Variants in CP observed in about 807,000 individuals in gnomAD.
CP encodes the protein caeruloplasmin.
CP carries 64 observed loss-of-function variants against 122.4 expected under a neutral mutation model. That is an observed-to-expected ratio of 0.52 (90% CI 0.43 to 0.64). CP has a LOEUF of 0.64. Among genes scored for constraint, CP ranks in the 30% least tolerant of loss-of-function variants. The probability of loss-of-function intolerance (pLI) is 0.00; values close to 1 mark genes in which losing one functional copy is unlikely to be tolerated. For synonymous variants in CP, 440 were observed against 436.4 expected (o/e 1.01, Z -0.10); for missense variants, 1,167 against 1,284.4 (o/e 0.91, Z 1.40).
chr3:149,171,637 T>C (rs1724999416), downstream of CP, among the ~76,000 whole-genome samples: 1 of 151,798 alleles, frequency 6.6e-6, no homozygotes, highest in Non-Finnish European at 1.5e-5. Flanking sequence ...AAGAAGCCTA[T>C]GGATTTAAGA....
chr3:149,210,315 C>T lies in CP; in HGVS notation c.459G>A (p.Glu153=), dbSNP rs1728024834. The T allele has an allele frequency of 6.2e-7, 1 of 1,613,950 alleles. No homozygotes were observed. Among genetic ancestry groups the T allele is most frequent in the African/African-American group, 1.3e-5 (1 of 74,912 alleles). ...QRADDKVYPG[E]QYTYMLLATE... ...TGGCAAGCAACATGTATGTATACTG[C>T]TCTCCTGGATATACTTTGTCATCTG... is the stretch of plus-strand genomic sequence containing the variant. The change falls in exon 3 of 19, where the codon GAG becomes GAA. Residue 153 remains glutamate (E), a synonymous_variant. Coordinates refer to ENST00000264613, the MANE Select transcript of CP (RefSeq NM_000096.4).
At chr3:149,207,321 C>A (rs777648021) in intron 5 of CP, 42 bp downstream of exon 5, 1 of 1,613,318 alleles carries the variant, frequency 6.2e-7, no homozygotes, top group Non-Finnish European at 8.5e-7. Context: ...CCAGTAACCA[C>A]CTTTTTCAGC....
rs768035094 is a variant in CP at position 149,210,325 on chromosome 3, T to C, written c.449A>G (p.Tyr150Cys). 5 of 1,613,986 alleles carry C rather than the reference T, an allele frequency of 3.1e-6. No homozygotes were observed. In the African/African-American group the frequency reaches 5.3e-5, roughly 17 times the overall value. Reference protein sequence around the residue: ...TDFQRADDKVYPGEQYTYMLL... With the variant: ...TDFQRADDKVCPGEQYTYMLL... ...CATGTATGTATACTGCTCTCCTGGA[T>C]ATACTTTGTCATCTGCTCTTTGAAA... The change falls in exon 3 of 19, where the codon TAT becomes TGT. Residue 150 changes from tyrosine (Y) to cysteine (C), a missense_variant. Around this residue, in one of 2 missense-constraint regions of CP, gnomAD observed 642 missense variants for 627.3 expected, o/e 1.02. Coordinates refer to ENST00000264613, the MANE Select transcript of CP (RefSeq NM_000096.4).
Position 149,201,827 on chromosome 3 carries a change from C to T in CP, c.1348+275G>A, listed in dbSNP as rs36036828. ...TCCAAGCTGGTCTCAAACTCCTTACCCAAGTGATCTGCCCGCCTCAGCCTC... is the reference window on the plus strand; with the variant it reads ...TCCAAGCTGGTCTCAAACTCCTTACTCAAGTGATCTGCCCGCCTCAGCCTC... On this transcript the variant is annotated intron_variant, in intron 7 of 18. Transcript: ENST00000264613. 0.014 allele frequency among the ~76,000 whole-genome samples: 2,087 copies of T among 152,066 alleles called. 48 individuals are homozygous for T. Among genetic ancestry groups the T allele is most frequent in the African/African-American group, 0.046 (1,914 of 41,476 alleles).
intron 5 of CP, among the ~76,000 whole-genome samples, chr3:149,164,235 A>G (rs1184662446): frequency 6.6e-6 from 1 of 152,184 alleles, no homozygotes; most frequent in Non-Finnish European, 1.5e-5. Context: ...GCTTGAAAAC[A>G]CTTTGTGAAA....
intron 4 of CP, chr3:149,167,347 A>C: frequency 2.3e-6 from 2 of 862,010 alleles, no homozygotes; most frequent in South Asian, 2.9e-5. Flanking sequence ...ATCCAACATC[A>C]TAAGGCTGTG....
chr3:149,198,849 G>A (rs1000880537), intron 8 of CP, among the ~76,000 whole-genome samples: 55 of 152,166 alleles, frequency 3.6e-4, no homozygotes, highest in Middle Eastern at 3.2e-3. Context: ...GTTGTATTGC[G>A]TGTATTTCTC....
Position 149,162,681 on chromosome 3 carries a change from G to C in CP, c.*208C>G. The C allele has an allele frequency of 1.2e-6, 2 of 1,613,856 alleles. No individual in the cohort carries two copies. Among genetic ancestry groups the C allele is most frequent in the Non-Finnish European group, 8.5e-7 (1 of 1,179,842 alleles). On this transcript the variant is annotated 3_prime_UTR_variant, in exon 6 of 6. Coordinates refer to the CP transcript ENST00000479771. ...CTGGAATATAGAGGCTCCTTTTACT[G>C]TTTTTAAGGTGCTTTGTGCTAAGGA...
downstream of CP, among the ~76,000 whole-genome samples, chr3:149,169,499 T>C (rs575286602): frequency 3.9e-5 from 6 of 152,338 alleles, no homozygotes; most frequent in African/African-American, 1.2e-4. Context: ...ATTTCTTATC[T>C]CTCTAATACA....
At chr3:149,202,028 G>A (rs751738415) in intron 7 of CP, 74 bp downstream of exon 7, 216 of 1,586,842 alleles carry the variant, frequency 1.4e-4, no homozygotes, top group Non-Finnish European at 1.8e-4. Context: ...AGGTCCTGAA[G>A]TTACTATTCT....
Position 149,186,555 on chromosome 3 carries a change from GT to G in CP, c.2041del (p.Thr681GlnfsTer29). On this transcript the variant is annotated frameshift_variant, in exon 11 of 19. Coordinates refer to ENST00000264613, the MANE Select transcript of CP (RefSeq NM_000096.4). LOFTEE classifies it high-confidence loss of function. Reference protein sequence around the residue: ...RRDTANLFPQTSLTLHMWPDT... With the variant: ...RRDTANLFPQXSLTLHMWPDT... ...AGGCCACATGTGGAGCGTAAGACTT[GT>G]TTGAGGGAAGAGGTTTGCTGTGTCT... 1.9e-6 allele frequency: 3 copies of G among 1,614,190 alleles called. No homozygotes were observed. The highest frequency in any genetic ancestry group is 2.5e-6 in the Non-Finnish European group (3 of 1,180,030).
intron 16 of CP, among the ~76,000 whole-genome samples, 161 bp downstream of exon 16, chr3:149,178,254 T>C (rs1175040801): frequency 3.3e-5 from 5 of 152,214 alleles, no homozygotes; most frequent in Non-Finnish European, 7.3e-5. Context: ...ATTTTGAACA[T>C]AGTCCCCTTT....
intron 18 of CP, among the ~76,000 whole-genome samples, chr3:149,174,791 A>T (rs961514490): frequency 2.0e-5 from 3 of 152,160 alleles, no homozygotes; most frequent in African/African-American, 7.2e-5. Context: ...TGGGCCAAAG[A>T]TAGTTCAAAC....
At position 149,177,875 on chromosome 3, in the gene CP, T is replaced by C. The variant is rs1199809032; in HGVS notation, c.2983A>G (p.Thr995Ala). The change falls in exon 17 of 19, where the codon ACT becomes GCT. Residue 995 changes from threonine (T) to alanine (A), a missense_variant. By Grantham distance (58) the Thr-to-Ala change is moderately conservative (BLOSUM62 0). This residue lies in a region of CP where 525 missense variants were observed against 657.2 expected (regional missense o/e 0.80). Transcript: ENST00000264613. Reference sequence around the variant, plus strand: ...AAGCTATGGCCGTGAAAATGTACAGTGTGTAAGTCTATTTCATTGCCCATT... The same window carrying C: ...AAGCTATGGCCGTGAAAATGTACAGCGTGTAAGTCTATTTCATTGCCCATT... ...MGMGNEIDLH[T>A]VHFHGHSFQY... The C allele has an allele frequency of 6.2e-7, 1 of 1,613,800 alleles. No individual in the cohort carries two copies. The highest frequency in any genetic ancestry group is 1.7e-5 in the Admixed American group (1 of 60,012).
chr3:149,205,388 C>A (rs377029566), intron 6 of CP, among the ~76,000 whole-genome samples: 1 of 148,764 alleles, frequency 6.7e-6, no homozygotes, highest in East Asian at 2.0e-4. Flanking sequence ...TCGCTTCTAG[C>A]TGGATATGCA....
chr3:149,220,614 GTATT>G (rs1416188401), intron 1 of CP, among the ~76,000 whole-genome samples: 2 of 151,904 alleles, frequency 1.3e-5, no homozygotes, highest in Non-Finnish European at 2.9e-5. Flanking sequence ...TATCTGTTAT[GTATT>G]TATTTTTATG....
chr3:149,182,881 T>C (rs1263939293), intron 13 of CP, among the ~76,000 whole-genome samples: 1 of 152,154 alleles, frequency 6.6e-6, no homozygotes, highest in Non-Finnish European at 1.5e-5. Context: ...CCAGGTGTAG[T>C]GCCTCACGCC....
chr3:149,186,920 G>T lies in CP; in HGVS notation c.1865-188C>A, dbSNP rs543330475. Among the ~76,000 whole-genome samples the T allele has an allele frequency of 3.9e-5, 6 of 152,272 alleles. No homozygotes were observed. The South Asian group carries it at 8.3e-4, about 21-fold the overall frequency. On this transcript the variant is annotated intron_variant, in intron 10 of 18. Transcript: ENST00000264613. ...TCCTGGCATTTCAGAGCAGCCGCTG[G>T]CTGAAAGGAGCAGAGCTGAATGCAT...
At chr3:149,162,991 A>G (rs1314071837) in intron 5 of CP, 6 of 893,718 alleles carry the variant, frequency 6.7e-6, no homozygotes, top group Non-Finnish European at 1.1e-5. Context: ...ATTACCAGGT[A>G]TCTTATTTAT....
Sources: gnomAD v4.1 joint callset for allele counts (sites outside exome capture counted in the v4.1 genomes callset) on GRCh38, gnomAD v4.1.1 for gene constraint, gnomAD v4.1.1 regional missense constraint, MANE v1.5 for transcripts, NCBI Gene and HGNC (gene_info 2026-07-23, HGNC 2026-07-21) for gene names.